The following NXPH1 variants were observed in gnomAD, a reference collection of about 807,000 sequenced individuals.
NXPH1 encodes neurexophilin 1.
In NXPH1, 5 loss-of-function variants were observed where a neutral mutation model predicts 23.7. The ratio of observed to expected loss-of-function variants is 0.21; its 90% CI spans 0.11 to 0.44. NXPH1 has a LOEUF of 0.44. Among genes scored for constraint, NXPH1 ranks in the 20% least tolerant of loss-of-function variants. NXPH1 has a pLI of 0.99. For missense variants in NXPH1, 324 were observed against 321.6 expected, an observed-to-expected ratio of 1.01 and a Z score of -0.06; for synonymous variants, 144 against 122.2, an observed-to-expected ratio of 1.18 and a Z score of -1.18.
chr7:8,494,006 A>C lies in NXPH1; in HGVS notation c.54+58239A>C, dbSNP rs528299061. On this transcript the variant is annotated intron_variant, in intron 2 of 2. Transcript: ENST00000405863. The stretch of plus-strand genomic sequence containing the variant: ...CTTAAGAAGAAGTTAGTTGATTTTT[A>C]TAATCATGTTTTAAATTAGAAAAGT... Among the ~76,000 whole-genome samples the C allele has an allele frequency of 4.1e-4, 62 of 152,196 alleles. No individual in the cohort carries two copies. The Middle Eastern group carries it at 0.01, about 25-fold the overall frequency.
intron 2 of NXPH1, among the ~76,000 whole-genome samples, chr7:8,538,495 C>T (rs1349587095): frequency 6.6e-6 from 1 of 151,832 alleles, no homozygotes; most frequent in Non-Finnish European, 1.5e-5. Context: ...GTCTCTTCAT[C>T]TGTAAAATGA....
chr7:8,726,388 G>C (rs1780053564), intron 2 of NXPH1, among the ~76,000 whole-genome samples: 2 of 150,936 alleles, frequency 1.3e-5, no homozygotes, highest in Non-Finnish European at 2.9e-5. Flanking sequence ...ACAATGTGCA[G>C]GTTAGTTACA....
At chr7:8,479,393 AT>A (rs1003791252) in intron 2 of NXPH1, among the ~76,000 whole-genome samples, 1 of 152,136 alleles carries the variant, frequency 6.6e-6, no homozygotes, top group African/African-American at 2.4e-5. Context: ...GAGCATTAGA[AT>A]TTTTGTTGCA....
intron 2 of NXPH1, among the ~76,000 whole-genome samples, chr7:8,533,752 G>A (rs1325086261): frequency 1.3e-5 from 2 of 152,050 alleles, no homozygotes; most frequent in Admixed American, 6.6e-5. Flanking sequence ...TTGGTCCCAC[G>A]TTTCTTCAGC....
intron 2 of NXPH1, among the ~76,000 whole-genome samples, chr7:8,561,002 T>A (rs964591074): frequency 1.3e-5 from 2 of 151,612 alleles, no homozygotes; most frequent in Non-Finnish European, 3.0e-5. Flanking sequence ...TGGATTGAAA[T>A]ATTAATGATC....
intron 2 of NXPH1, among the ~76,000 whole-genome samples, chr7:8,451,109 G>GTTT (rs1816498747): frequency 1.2e-5 from 1 of 85,066 alleles, no homozygotes; most frequent in African/African-American, 6.9e-5. Flanking sequence ...GAGGGATCTA[G>GTTT]CTTTTTTTTT....
chr7:8,446,995 T>A (rs995322817), intron 2 of NXPH1, among the ~76,000 whole-genome samples: 2 of 152,194 alleles, frequency 1.3e-5, no homozygotes, highest in African/African-American at 4.8e-5. Context: ...ACTTATCAAC[T>A]GGCTAGATGC....
intron 2 of NXPH1, among the ~76,000 whole-genome samples, chr7:8,654,730 C>T (rs542726465): frequency 2.6e-5 from 4 of 152,256 alleles, no homozygotes; most frequent in African/African-American, 9.6e-5. Context: ...GGAAGAGGTG[C>T]TCTAGGTGGG....
intron 2 of NXPH1, among the ~76,000 whole-genome samples, chr7:8,523,033 G>T (rs1053413509): frequency 6.6e-6 from 1 of 152,214 alleles, no homozygotes; most frequent in Non-Finnish European, 1.5e-5. Context: ...TCTGTAAAAT[G>T]GGAATATGCA....
chr7:8,470,718 TG>T (rs1243710637), intron 2 of NXPH1, among the ~76,000 whole-genome samples: 2 of 152,200 alleles, frequency 1.3e-5, no homozygotes, highest in African/African-American at 4.8e-5. Context: ...ATTAGTATGA[TG>T]GCTGTTTATC....
intron 2 of NXPH1, among the ~76,000 whole-genome samples, chr7:8,473,897 T>C (rs1050998587): frequency 6.6e-6 from 1 of 152,142 alleles, no homozygotes; most frequent in Admixed American, 6.5e-5. Flanking sequence ...TTCTCTTTTA[T>C]AGGCTACTCA....
rs562417461 is a variant in NXPH1, at chr7:8,651,096, A to G, written c.55-99912A>G. ...ACTAACTCGTCATCTAGCATTAGGT[A>G]TATCTCCCAATGCTATCCCTCCCCA... On this transcript the variant is annotated intron_variant, in intron 2 of 2. Coordinates refer to ENST00000405863, the MANE Select transcript of NXPH1 (RefSeq NM_152745.3). Among the ~76,000 whole-genome samples, 1,089 of 149,886 alleles carry G rather than the reference A, an allele frequency of 7.3e-3. 15 individuals are homozygous for G. The highest frequency in any genetic ancestry group is 0.025 in the African/African-American group (1,025 of 40,886).
chr7:8,710,708 TGC>T (rs1779778167), intron 2 of NXPH1, among the ~76,000 whole-genome samples: 1 of 96,132 alleles, frequency 1.0e-5, no homozygotes, highest in Non-Finnish European at 1.8e-5. Flanking sequence ...CAGGCCGGAC[TGC>T]GGACTGCAGT....
At chr7:8,571,783 G>A (rs919710311) in intron 2 of NXPH1, among the ~76,000 whole-genome samples, 2 of 151,502 alleles carry the variant, frequency 1.3e-5, no homozygotes, top group African/African-American at 4.8e-5. Context: ...TAATTTGTAC[G>A]TAATTCTCCT....
At chr7:8,494,156 T>TG (rs1188647517) in intron 2 of NXPH1, among the ~76,000 whole-genome samples, 2 of 150,494 alleles carry the variant, frequency 1.3e-5, no homozygotes, top group African/African-American at 4.9e-5. Context: ...TCTAACTTGA[T>TG]TTTTCAAATT....
chr7:8,448,178 A>G (rs1353205762), intron 2 of NXPH1, among the ~76,000 whole-genome samples: 1 of 151,678 alleles, frequency 6.6e-6, no homozygotes, highest in African/African-American at 2.4e-5. Flanking sequence ...TCCCTACTTG[A>G]AAAATGGGGC....
At chr7:8,709,105 A>C (rs1779747388) in intron 2 of NXPH1, among the ~76,000 whole-genome samples, 1 of 152,234 alleles carries the variant, frequency 6.6e-6, no homozygotes, top group African/African-American at 2.4e-5. Flanking sequence ...TACATAATTA[A>C]GAAAAAAACT....
intron 2 of NXPH1, among the ~76,000 whole-genome samples, chr7:8,653,341 T>G (rs10226061): frequency 6.6e-6 from 1 of 152,012 alleles, no homozygotes; most frequent in Non-Finnish European, 1.5e-5. Context: ...TGGTGGAGTT[T>G]TGACAGCCAC....
chr7:8,655,775 C>T (rs1020552239), intron 2 of NXPH1, among the ~76,000 whole-genome samples: 23 of 152,092 alleles, frequency 1.5e-4, no homozygotes, highest in African/African-American at 5.3e-4. Flanking sequence ...AGACTCTTGC[C>T]TTTGCCTAGA....
Sources: gnomAD v4.1 joint callset for allele counts (sites outside exome capture counted in the v4.1 genomes callset) on GRCh38, gnomAD v4.1.1 for gene constraint, MANE v1.5 for transcripts, NCBI Gene and HGNC (gene_info 2026-07-23, HGNC 2026-07-21) for gene names.